The following ITPKB variants were observed in gnomAD, a reference collection of about 807,000 sequenced individuals.
The protein encoded by ITPKB is IP3 3-kinase B.
ITPKB carries 13 observed loss-of-function variants against 69.4 expected under a neutral mutation model. The ratio of observed to expected loss-of-function variants is 0.19; its 90% CI spans 0.12 to 0.30. The LOEUF (loss-of-function observed/expected upper bound fraction) is 0.30. Among genes scored for constraint, ITPKB ranks in the 10% least tolerant of loss-of-function variants. The pLI, the probability that ITPKB is intolerant of heterozygous loss-of-function variation, is 1.00. For missense variants in ITPKB, 1,240 were observed against 1,250.5 expected (o/e 0.99, Z 0.13); for synonymous variants, 584 against 513.7 (o/e 1.14, Z -1.85).
intron 2 of ITPKB, among the ~76,000 whole-genome samples, chr1:226,661,989 C>T (rs1464874008): frequency 1.3e-5 from 2 of 152,200 alleles, no homozygotes; most frequent in Non-Finnish European, 2.9e-5. Flanking sequence ...TTGACAGAAA[C>T]AGAGTCTTTC....
At position 226,634,570 on chromosome 1, in the gene ITPKB, A is replaced by T; in HGVS notation, c.*101T>A. On this transcript the variant is annotated 3_prime_UTR_variant, in exon 8 of 8. Transcript: ENST00000429204. This position sits in a 1 kb window ranked among gnomAD's most constrained non-coding sequence, Gnocchi z 6.3. ...AAAGTGTCTTGTAGTGCAGTTCAGG[A>T]GGGTCAGTCAGGTGTAAGTGAAGGA... 1.5e-6 allele frequency: 1 copy of T among 652,482 alleles called. No homozygotes were observed. Among genetic ancestry groups the T allele is most frequent in the Non-Finnish European group, 2.8e-6 (1 of 351,756 alleles). 40.4% of individuals were successfully genotyped at this position (652,482 alleles called of 1,614,324 possible).
chr1:226,664,129 G>C lies in ITPKB; in HGVS notation c.1933-15358C>G, dbSNP rs113055577. 3.9e-5 allele frequency among the ~76,000 whole-genome samples: 6 copies of C among 152,204 alleles called. No individual in the cohort carries two copies. In the East Asian group the frequency reaches 5.8e-4, roughly 15 times the overall value. On this transcript the variant is annotated intron_variant, in intron 2 of 7. Transcript: ENST00000429204. ...GAAGGCTCCTGGTTCTCTTAGACTT[G>C]TTTCATCTCCTTCCTACTGAGTTAG...
chr1:226,738,440 C>G lies in ITPKB; in HGVS notation c.-206+601G>C, dbSNP rs537420519. On this transcript the variant is annotated intron_variant, in intron 1 of 7. Coordinates refer to ENST00000429204, the MANE Select transcript of ITPKB (RefSeq NM_002221.4). This position sits in a 1 kb window ranked among gnomAD's most constrained non-coding sequence, Gnocchi z 4.2. ...CCAGTACTTGCTGCCCCCCTGCCGT[C>G]GTCCCCTATGGGGGGGTGTCTGTGA... Among the ~76,000 whole-genome samples the G allele has an allele frequency of 5.9e-4, 90 of 152,340 alleles. No individual in the cohort carries two copies. Among genetic ancestry groups the G allele is most frequent in the African/African-American group, 2.1e-3 (87 of 41,570 alleles).
chr1:226,661,444 T>C (rs1208167117), intron 2 of ITPKB, among the ~76,000 whole-genome samples: 2 of 152,232 alleles, frequency 1.3e-5, no homozygotes, highest in Non-Finnish European at 2.9e-5. Context: ...CAAGGTTCTG[T>C]ACATGTGTAG....
intron 2 of ITPKB, chr1:226,675,127 C>CAAAAAA (rs71168989): frequency 3.0e-5 from 2 of 66,970 alleles, no homozygotes; most frequent in African/African-American, 6.1e-5. Flanking sequence ...TGCTTACAGG[C>CAAAAAA]AAAAAAAAAA....
At chr1:226,702,732 G>C (rs1453693534) in intron 2 of ITPKB, among the ~76,000 whole-genome samples, 1 of 152,228 alleles carries the variant, frequency 6.6e-6, no homozygotes, top group African/African-American at 2.4e-5. Context: ...TCTAGGACCT[G>C]AGTGGAGTCC....
chr1:226,665,622 T>C (rs1030115401), intron 2 of ITPKB, among the ~76,000 whole-genome samples: 2 of 152,004 alleles, frequency 1.3e-5, no homozygotes, highest in Admixed American at 6.6e-5. Context: ...ACCTCGGTGG[T>C]CACCGGCGGG....
At chr1:226,711,442 AGTGTGT>A (rs57531406) in intron 2 of ITPKB, among the ~76,000 whole-genome samples, 17,200 of 101,736 alleles carry the variant, frequency 0.17, 1,421 homozygotes, top group Non-Finnish European at 0.24. Context: ...AGAGAGAGAG[AGTGTGT>A]GTGTGTGTGT....
chr1:226,652,346 G>C (rs1019988091), intron 2 of ITPKB, among the ~76,000 whole-genome samples: 1 of 152,210 alleles, frequency 6.6e-6, no homozygotes, highest in Non-Finnish European at 1.5e-5. Flanking sequence ...TTCCAGGAGC[G>C]GACAGGCTAA....
intron 2 of ITPKB, among the ~76,000 whole-genome samples, chr1:226,714,766 A>AC (rs1325662101): frequency 9.9e-5 from 15 of 152,234 alleles, no homozygotes; most frequent in African/African-American, 3.6e-4. Context: ...TTGGGACTTC[A>AC]CACTGTAAAC....
Position 226,738,199 on chromosome 1 carries a change from C to T in ITPKB, c.-205-536G>A, listed in dbSNP as rs1657870528. Among the ~76,000 whole-genome samples, 1 of 152,176 alleles carries T rather than the reference C, an allele frequency of 6.6e-6. No homozygotes were observed. Among genetic ancestry groups the T allele is most frequent in the Non-Finnish European group, 1.5e-5 (1 of 68,014 alleles). On this transcript the variant is annotated intron_variant, in intron 1 of 7. Transcript: ENST00000429204. The surrounding 1 kb of genome is among the most constrained non-coding windows in gnomAD (Gnocchi z 4.2). ...CTAAGCGGGACCTGCCTTGCCCGAG[C>T]CGCTGCCAGCGCCCGGATCTGGGAG...
intron 5 of ITPKB, among the ~76,000 whole-genome samples, chr1:226,640,673 T>C (rs529915611): frequency 6.6e-6 from 1 of 151,892 alleles, no homozygotes; most frequent in Admixed American, 6.5e-5. Flanking sequence ...TTGTTTCTAA[T>C]AAAGAAAGGA....
chr1:226,716,369 A>AT (rs1214509495), intron 2 of ITPKB, among the ~76,000 whole-genome samples: 4 of 151,796 alleles, frequency 2.6e-5, no homozygotes, highest in Admixed American at 1.3e-4. Context: ...CTTTTTCTTT[A>AT]TTTTTTTCTA....
chr1:226,664,467 G>A (rs1379771063), intron 2 of ITPKB, among the ~76,000 whole-genome samples: 1 of 152,232 alleles, frequency 6.6e-6, no homozygotes, highest in East Asian at 1.9e-4. Context: ...ATCGTGGTGG[G>A]ACGAGGGGAG....
intron 2 of ITPKB, among the ~76,000 whole-genome samples, chr1:226,698,549 A>C (rs141263638): frequency 1.3e-5 from 2 of 152,396 alleles, no homozygotes; most frequent in Non-Finnish European, 2.9e-5. Flanking sequence ...GGAATTGTTC[A>C]TTTATATATG....
chr1:226,672,872 A>C (rs1476538799), intron 2 of ITPKB, among the ~76,000 whole-genome samples: 2 of 152,200 alleles, frequency 1.3e-5, no homozygotes, highest in African/African-American at 2.4e-5. Context: ...GACAGGTGTG[A>C]AGTGGGCAGA....
At chr1:226,677,407 G>C (rs1655915950) in intron 2 of ITPKB, among the ~76,000 whole-genome samples, 1 of 152,162 alleles carries the variant, frequency 6.6e-6, no homozygotes, top group South Asian at 2.1e-4. Flanking sequence ...GAAGTACACA[G>C]AGCTGCCTGA....
intron 2 of ITPKB, among the ~76,000 whole-genome samples, chr1:226,714,856 G>A (rs1263725206): frequency 6.6e-6 from 1 of 152,226 alleles, no homozygotes; most frequent in Non-Finnish European, 1.5e-5. Flanking sequence ...CTCTAGAGCA[G>A]TGCTTTTCAA....
chr1:226,634,719 G>T lies in ITPKB; in HGVS notation c.2793C>A (p.Asn931Lys). ...ACATCTCGGTCAGGATGTCGACGAG[G>T]TTATTGAGCCCCGAGAGGTAGCCAT... ...REDGYLSGLN[N>K]LVDILTEMSQ... is the part of the protein sequence containing the mutation. The change falls in exon 8 of 8, where the codon AAC becomes AAA. Residue 931 changes from asparagine to lysine, a missense_variant. Asn to Lys is a moderately conservative substitution (Grantham distance 94). Transcript: ENST00000429204. This position sits in a 1 kb window ranked among gnomAD's most constrained non-coding sequence, Gnocchi z 6.3. 2.0e-6 allele frequency: 2 copies of T among 1,008,588 alleles called. No individual in the cohort carries two copies. Among genetic ancestry groups the T allele is most frequent in the Non-Finnish European group, 3.2e-6 (2 of 626,856 alleles). The allele number at this position is 1,008,588 out of a possible 1,614,324, so 62.5% of individuals were successfully genotyped here.
Sources: allele counts gnomAD v4.1 joint callset (sites outside exome capture counted in the v4.1 genomes callset), GRCh38; gene constraint gnomAD v4.1.1; non-coding constraint Gnocchi (gnomAD v3.1); transcripts MANE v1.5; gene names NCBI Gene and HGNC (gene_info 2026-07-23, HGNC 2026-07-21).